The following GDA variants were observed in gnomAD, a reference collection of about 807,000 sequenced individuals.
GDA encodes the protein cytoplasmic PSD-95 interactor.
A neutral mutation model predicts 59.6 loss-of-function variants in GDA; 18 were observed. The ratio of observed to expected loss-of-function variants is 0.30; its 90% confidence interval spans 0.21 to 0.45. The LOEUF (loss-of-function observed/expected upper bound fraction) is 0.45, where lower values mean the gene tolerates loss of function less well. Ranked by LOEUF, GDA falls within the 20% of genes least tolerant of loss-of-function variation. The pLI is 1.00. For missense variants in GDA, 427 were observed against 552.3 expected, an observed-to-expected ratio of 0.77 and a Z score of 2.27; for synonymous variants, 201 against 201.1, an observed-to-expected ratio of 1.00 and a Z score of 0.00.
At chr9:72,129,786 A>G (rs759282165) in intron 1 of GDA, among the ~76,000 whole-genome samples, 1 of 152,178 alleles carries the variant, frequency 6.6e-6, no homozygotes. Context: ...AGTGCCATCT[A>G]TATGAGAAGC....
chr9:72,168,184 C>T (rs577585676), intron 1 of GDA, among the ~76,000 whole-genome samples: 1 of 152,100 alleles, frequency 6.6e-6, no homozygotes, highest in Admixed American at 6.6e-5. Flanking sequence ...ATCACTTGAG[C>T]CCAGGAGTTT....
chr9:72,135,085 T>C (rs887465089), intron 1 of GDA, among the ~76,000 whole-genome samples: 46 of 152,198 alleles, frequency 3.0e-4, no homozygotes, highest in African/African-American at 1.1e-3. Flanking sequence ...CTCCACTCAT[T>C]TTTTTCTCTA....
intron 1 of GDA, among the ~76,000 whole-genome samples, chr9:72,151,234 A>T (rs1827162061): frequency 6.6e-6 from 1 of 152,176 alleles, no homozygotes; most frequent in Admixed American, 6.5e-5. Context: ...ATCATACTGA[A>T]GTTATAAATT....
intron 4 of GDA, 30 bp downstream of exon 4, chr9:72,210,804 C>T (rs775881671): frequency 1.2e-5 from 17 of 1,377,878 alleles, no homozygotes; most frequent in South Asian, 4.6e-5. Flanking sequence ...TTTATGGGCA[C>T]CTCAAGCAAA....
chr9:72,218,136 A>G (rs1300468877), intron 5 of GDA, among the ~76,000 whole-genome samples: 3 of 151,656 alleles, frequency 2.0e-5, no homozygotes, highest in Non-Finnish European at 4.4e-5. Context: ...CTGATCTTGA[A>G]CTCCTGACCT....
chr9:72,245,599 T>C (rs1327655131), intron 12 of GDA, among the ~76,000 whole-genome samples: 8 of 152,200 alleles, frequency 5.3e-5, no homozygotes, highest in Non-Finnish European at 1.0e-4. Context: ...TACCTAATTT[T>C]GTTCGATCAT....
chr9:72,241,092 A>G (rs1587783028), intron 10 of GDA, 60 bp from the exon 11 acceptor site: 1 of 1,209,640 alleles, frequency 8.3e-7, no homozygotes, highest in South Asian at 1.5e-5. Context: ...AATGTTATAT[A>G]TGTATTATTC....
rs564355385 is a variant in GDA at position 72,134,131 on chromosome 9, C to T, written c.-100+19298C>T. Among the ~76,000 whole-genome samples the T allele has an allele frequency of 1.7e-3, 258 of 152,072 alleles. 2 individuals carry two copies. In the Middle Eastern group the frequency reaches 0.021, roughly 12 times the overall value. On this transcript the variant is annotated intron_variant, in intron 1 of 13. Coordinates refer to the GDA transcript ENST00000545168. ...AAGGGGCTTGGCAAATAGGGATGAA[C>T]GCCAGTTTTGGGCTGAAGTAGTTTC... is the stretch of plus-strand genomic sequence containing the variant.
In GDA at chr9:72,149,502, G is replaced by T. The variant is rs1826870677; in HGVS notation, c.-58G>T. On this transcript the variant is annotated 5_prime_UTR_variant, in exon 1 of 14. Transcript: ENST00000358399. ...CCGCAGCTGCAGAGAGTCCCGCTGC[G>T]TCTCCGCCGCGTGCGCCCTCCTCGA... is the stretch of plus-strand genomic sequence containing the variant. 2 of 1,594,072 alleles carry T rather than the reference G, an allele frequency of 1.3e-6. No individual in the cohort carries two copies. The highest frequency in any genetic ancestry group is 8.5e-7 in the Non-Finnish European group (1 of 1,173,714).
rs767205305 is a variant in GDA at position 72,133,308 on chromosome 9, A to AAAATAAT, written c.-100+18477_-100+18478insATAATAA. Among the ~76,000 whole-genome samples the AAAATAAT allele has an allele frequency of 8.0e-3, 815 of 101,492 alleles. 3 individuals are homozygous for AAAATAAT. Among genetic ancestry groups the AAAATAAT allele is most frequent in the Middle Eastern group, 0.018 (3 of 168 alleles). The allele number at this position is 101,492 out of a possible 152,430, so 66.6% of individuals were successfully genotyped here. The stretch of plus-strand genomic sequence containing the variant: ...TGTCTAAAAAAAAAAAAAAAAAAAA[A>AAAATAAT]AATAATAATAATAATAATAATAATT... On this transcript the variant is annotated intron_variant, in intron 1 of 13. Coordinates refer to the GDA transcript ENST00000545168.
chr9:72,172,252 A>G lies in GDA; in HGVS notation c.123+22570A>G, dbSNP rs558095856. Among the ~76,000 whole-genome samples the G allele has an allele frequency of 4.5e-3, 680 of 150,950 alleles. 6 individuals carry two copies. Among genetic ancestry groups the G allele is most frequent in the African/African-American group, 0.016 (642 of 41,274 alleles). On this transcript the variant is annotated intron_variant, in intron 1 of 13. Transcript: ENST00000358399. ...AATATATATATATATATAATAGTATATCATATTTATTATACATTATGTGTC... is the reference window on the plus strand; with the variant it reads ...AATATATATATATATATAATAGTATGTCATATTTATTATACATTATGTGTC...
At chr9:72,219,442 G>C (rs766638825) in intron 5 of GDA, 37 bp from the exon 6 acceptor site, 16 of 1,464,948 alleles carry the variant, frequency 1.1e-5, no homozygotes, top group East Asian at 2.3e-5. Flanking sequence ...AAAAGAAAAT[G>C]CTCAAGTTTT....
chr9:72,257,770 A>G (rs1840902539), downstream of GDA: 1 of 153,032 alleles, frequency 6.5e-6, no homozygotes, highest in East Asian at 1.9e-4. Flanking sequence ...AAAAATACAA[A>G]ATAATACAAA....
chr9:72,188,197 C>T (rs529602682), intron 1 of GDA, among the ~76,000 whole-genome samples: 11 of 152,320 alleles, frequency 7.2e-5, no homozygotes, highest in Admixed American at 4.6e-4. Context: ...CATTTACTGA[C>T]GAGATTAACA....
chr9:72,222,390 C>T (rs918085884), intron 6 of GDA, among the ~76,000 whole-genome samples: 1 of 152,054 alleles, frequency 6.6e-6, no homozygotes, highest in African/African-American at 2.4e-5. Flanking sequence ...TGTTCATGTG[C>T]TTTGCCCACT....
At chr9:72,238,507 A>G (rs1007959088) in intron 10 of GDA, among the ~76,000 whole-genome samples, 1 of 152,250 alleles carries the variant, frequency 6.6e-6, no homozygotes, top group African/African-American at 2.4e-5. Flanking sequence ...TTTATTTACA[A>G]GTGCTTAAGT....
chr9:72,194,113 C>T (rs62561982), intron 1 of GDA: 4,630 of 152,310 alleles, frequency 0.03, 120 homozygotes, highest in Middle Eastern at 0.047. Context: ...ACTCCAGGAG[C>T]CTGCTTGATG....
At chr9:72,205,424 T>G (rs1834572391) in intron 3 of GDA, among the ~76,000 whole-genome samples, 1 of 152,154 alleles carries the variant, frequency 6.6e-6, no homozygotes, top group Admixed American at 6.5e-5. Context: ...TTCAGTTCAT[T>G]CTAGTTGTGG....
chr9:72,231,059 A>C, intron 9 of GDA, 55 bp from the exon 10 acceptor site: 2 of 977,410 alleles, frequency 2.0e-6, no homozygotes, highest in Admixed American at 1.7e-5. Context: ...ATTAGTGTTC[A>C]TCTTTTATTG....
Sources: gnomAD v4.1 joint callset for allele counts (sites outside exome capture counted in the v4.1 genomes callset) on GRCh38, gnomAD v4.1.1 for gene constraint, MANE v1.5 for transcripts, NCBI Gene and HGNC (gene_info 2026-07-23, HGNC 2026-07-21) for gene names.